The following HEPHL1 variants were observed in gnomAD, a reference collection of about 807,000 sequenced individuals.
HEPHL1 encodes hephaestin like 1.
HEPHL1 carries 123 observed loss-of-function variants against 122.0 expected under a neutral mutation model. The observed-to-expected ratio is 1.01, with a 90% CI of 0.87 to 1.17. The LOEUF is 1.17. Among genes scored for constraint, HEPHL1 ranks in the 50% most tolerant of loss-of-function variants. HEPHL1 has a pLI of 0.00. For synonymous variants in HEPHL1, 527 were observed against 508.9 expected, an observed-to-expected ratio of 1.04 and a Z score of -0.48; for missense variants, 1,452 against 1,430.5, an observed-to-expected ratio of 1.01 and a Z score of -0.24.
intron 9 of HEPHL1, among the ~76,000 whole-genome samples, chr11:94,080,881 G>A (rs1946165285): frequency 6.6e-6 from 1 of 152,178 alleles, no homozygotes; most frequent in Admixed American, 6.5e-5. Flanking sequence ...AAGACAGTAT[G>A]GTGATTCCTC....
chr11:94,022,281 C>T (rs1945588553), intron 1 of HEPHL1, among the ~76,000 whole-genome samples: 1 of 152,292 alleles, frequency 6.6e-6, no homozygotes, highest in Non-Finnish European at 1.5e-5. Context: ...CCTCTGAAGT[C>T]ACCTCCTGAC....
chr11:94,084,716 C>G (rs1946201733), intron 10 of HEPHL1, among the ~76,000 whole-genome samples: 1 of 152,156 alleles, frequency 6.6e-6, no homozygotes, highest in African/African-American at 2.4e-5. Context: ...TTGATTTATA[C>G]TCAGATTTCA....
intron 1 of HEPHL1, among the ~76,000 whole-genome samples, chr11:94,030,008 C>G (rs1945658934): frequency 1.3e-5 from 2 of 152,140 alleles, no homozygotes; most frequent in Non-Finnish European, 2.9e-5. Context: ...CCACATGCAT[C>G]TGCATGTGTG....
At chr11:94,045,191 C>G (rs1456046106) in intron 1 of HEPHL1, among the ~76,000 whole-genome samples, 2 of 152,230 alleles carry the variant, frequency 1.3e-5, no homozygotes, top group East Asian at 3.8e-4. Flanking sequence ...CAGGTGTGGA[C>G]CACTATGCCT....
At chr11:94,036,763 C>T (rs202184515) in intron 1 of HEPHL1, among the ~76,000 whole-genome samples, 30 of 148,440 alleles carry the variant, frequency 2.0e-4, no homozygotes, top group Middle Eastern at 3.4e-3. Flanking sequence ...GGTGTGAACC[C>T]GGAAGGCGGA....
chr11:94,043,396 G>T (rs982447889), intron 1 of HEPHL1, among the ~76,000 whole-genome samples: 1 of 152,168 alleles, frequency 6.6e-6, no homozygotes, highest in Admixed American at 6.5e-5. Context: ...ACACTCTGTG[G>T]CTGTCCCTGA....
Position 94,021,607 on chromosome 11 carries a change from G to A in HEPHL1, c.170+69G>A, listed in dbSNP as rs1440380176. 8.8e-6 allele frequency: 11 copies of A among 1,251,358 alleles called. No homozygotes were observed. In the Admixed American group the frequency reaches 2.1e-4, roughly 24 times the overall value. 77.5% of individuals were successfully genotyped at this position (1,251,358 alleles called of 1,614,324 possible). On this transcript the variant is annotated intron_variant, in intron 1 of 19. Transcript: ENST00000315765. Reference sequence around the variant, plus strand: ...TTTTTGACTTTGTGTGGGGAAGGTTGTATTTCTTGGGTACTTACAATGGGG... The same window carrying A: ...TTTTTGACTTTGTGTGGGGAAGGTTATATTTCTTGGGTACTTACAATGGGG...
chr11:94,056,817 T>C (rs1337698322), intron 2 of HEPHL1, among the ~76,000 whole-genome samples: 1 of 152,140 alleles, frequency 6.6e-6, no homozygotes, highest in Non-Finnish European at 1.5e-5. Flanking sequence ...TTATAGAACC[T>C]TTTATATTAA....
At chr11:94,110,616 A>G (rs1274220220) in intron 17 of HEPHL1, among the ~76,000 whole-genome samples, 2 of 152,214 alleles carry the variant, frequency 1.3e-5, no homozygotes, top group Non-Finnish European at 2.9e-5. Context: ...CCCTTATACA[A>G]TGTAGGTAGG....
At chr11:94,070,827 G>C (rs563086908) in intron 6 of HEPHL1, among the ~76,000 whole-genome samples, 10 of 152,154 alleles carry the variant, frequency 6.6e-5, no homozygotes, top group African/African-American at 2.4e-4. Context: ...AGTGCAAAGT[G>C]CCATTAGAAA....
rs1342194609 is a variant in HEPHL1, at chr11:94,073,389, C to T, written c.1454C>T (p.Pro485Leu). 12 of 1,568,580 alleles carry T rather than the reference C, an allele frequency of 7.7e-6. No homozygotes were observed. Among genetic ancestry groups the T allele is most frequent in the Non-Finnish European group, 1.0e-5 (12 of 1,155,404 alleles). ...NKADKVYSIL[P>L]HGVIYDKASD... Reference sequence around the variant, plus strand: ...GCCGACAAGGTCTATAGCATTTTACCCCATGGTGTGATCTATGACAAGGCA... The same window carrying T: ...GCCGACAAGGTCTATAGCATTTTACTCCATGGTGTGATCTATGACAAGGCA... Residue 485 changes from proline to leucine, a missense_variant, in exon 8 of 20, where the codon CCC becomes CTC. Pro to Leu is a moderately conservative substitution (Grantham distance 98). Coordinates refer to ENST00000315765, the MANE Select transcript of HEPHL1 (RefSeq NM_001098672.2).
At chr11:94,091,539 T>A (rs139995683) in intron 12 of HEPHL1, among the ~76,000 whole-genome samples, 1 of 152,338 alleles carries the variant, frequency 6.6e-6, no homozygotes, top group East Asian at 1.9e-4. Context: ...TACTATATGC[T>A]AGACATTGTG....
chr11:94,082,332 T>C (rs1315259744), intron 9 of HEPHL1, 86 bp from the exon 10 acceptor site: 2 of 984,730 alleles, frequency 2.0e-6, no homozygotes, highest in Admixed American at 5.2e-5. Context: ...GACTTATTAA[T>C]ATTTTGTGTG....
At chr11:94,043,167 A>C (rs1356439837) in intron 1 of HEPHL1, among the ~76,000 whole-genome samples, 1 of 152,194 alleles carries the variant, frequency 6.6e-6, no homozygotes, top group Non-Finnish European at 1.5e-5. Flanking sequence ...TAAAAACAGA[A>C]AAAATGAAAA....
chr11:94,059,004 A>G (rs1381269022), intron 2 of HEPHL1, among the ~76,000 whole-genome samples: 3 of 152,224 alleles, frequency 2.0e-5, no homozygotes, highest in Non-Finnish European at 4.4e-5. Flanking sequence ...TCTTAAGAGT[A>G]AAGAGGTATA....
Position 94,111,970 on chromosome 11 carries a change from C to A in HEPHL1, c.*76C>A. The A allele has an allele frequency of 2.9e-6, 3 of 1,032,124 alleles. No homozygotes were observed. Among genetic ancestry groups the A allele is most frequent in the Non-Finnish European group, 4.1e-6 (3 of 725,290 alleles). The allele number at this position is 1,032,124 out of a possible 1,614,324, so 63.9% of individuals were successfully genotyped here. A position where few individuals can be genotyped will look rare whatever the true frequency, so the allele number is the denominator to read the frequency against. The stretch of plus-strand genomic sequence containing the variant: ...ATGGCAGCCAACAGGGAAACTGGAC[C>A]AAGGCATCACTCACCAAGGAAGGTT... On this transcript the variant is annotated 3_prime_UTR_variant, in exon 20 of 20. Coordinates refer to ENST00000315765, the MANE Select transcript of HEPHL1 (RefSeq NM_001098672.2).
chr11:94,054,469 C>A (rs1945918761), intron 2 of HEPHL1, among the ~76,000 whole-genome samples: 1 of 152,198 alleles, frequency 6.6e-6, no homozygotes, highest in African/African-American at 2.4e-5. Context: ...CACTTGTTTC[C>A]ACTGGTCACA....
chr11:94,062,683 T>A (rs1241791957), intron 2 of HEPHL1, among the ~76,000 whole-genome samples: 1 of 152,098 alleles, frequency 6.6e-6, no homozygotes, highest in Non-Finnish European at 1.5e-5. Context: ...CTCCCGTCCT[T>A]TAAGGCCCCT....
chr11:94,085,957 GTCTT>G lies in HEPHL1; in HGVS notation c.1868-15_1868-12del. On this transcript the variant is annotated splice_polypyrimidine_tract_variant and intron_variant, in intron 10 of 19. Transcript: ENST00000315765. Reference sequence around the variant, plus strand: ...CCATACACACTGATAATTTTTCACCGTCTTTCTTCTTCCATTTAGCTGTTAACGG... The same window carrying G: ...CCATACACACTGATAATTTTTCACCGTCTTCTTCCATTTAGCTGTTAACGG... 1 of 1,591,942 alleles carries G rather than the reference GTCTT, an allele frequency of 6.3e-7. No individual in the cohort carries two copies.
Sources: allele counts gnomAD v4.1 joint callset (sites outside exome capture counted in the v4.1 genomes callset), GRCh38; gene constraint gnomAD v4.1.1; transcripts MANE v1.5; gene names NCBI Gene and HGNC (gene_info 2026-07-23, HGNC 2026-07-21).